The following P3H2 variants were observed in gnomAD, a reference collection of about 807,000 sequenced individuals.
The protein encoded by P3H2 is leprecan-like 1.
In P3H2, 80 loss-of-function variants were observed where a neutral mutation model predicts 87.0. That is an observed-to-expected ratio of 0.92 (90% CI 0.77 to 1.11). The LOEUF is 1.11. Among genes scored for constraint, P3H2 ranks in the 50% least tolerant of loss-of-function variants. The pLI, the probability that P3H2 is intolerant of heterozygous loss-of-function variation, is 0.00. For synonymous variants in P3H2, 367 were observed against 359.3 expected (o/e 1.02, Z -0.24); for missense variants, 1,001 against 923.9 (o/e 1.08, Z -1.08).
At chr3:190,042,970 G>A (rs1725683044) in intron 1 of P3H2, among the ~76,000 whole-genome samples, 1 of 152,094 alleles carries the variant, frequency 6.6e-6, no homozygotes, top group Admixed American at 6.6e-5. Flanking sequence ...GTAATCACTA[G>A]AAATGGTCGT....
In P3H2 at chr3:190,120,318, G is replaced by C. The variant is rs375401060; in HGVS notation, c.414C>G (p.Ser138Arg). Reference protein sequence around the residue: ...LGGPASRHRVSEDVRSDFQRR... With the variant: ...LGGPASRHRVREDVRSDFQRR... Reference sequence around the variant, plus strand: ...GCTGGAAGTCGCTGCGCACATCCTCGCTGACGCGGTGGCGGGATGCGGGGC... The same window carrying C: ...GCTGGAAGTCGCTGCGCACATCCTCCCTGACGCGGTGGCGGGATGCGGGGC... The change falls in exon 1 of 15, where the codon AGC becomes AGG. Residue 138 changes from serine to arginine, a missense_variant. Physicochemically the swap from Ser to Arg is moderately radical, Grantham distance 110. Transcript: ENST00000319332. 49 of 1,605,970 alleles carry C rather than the reference G, an allele frequency of 3.1e-5. No individual in the cohort carries two copies. Among genetic ancestry groups the C allele is most frequent in the Admixed American group, 2.2e-4 (13 of 59,142 alleles).
chr3:190,005,289 G>C (rs1283626770), intron 1 of P3H2, among the ~76,000 whole-genome samples: 1 of 152,184 alleles, frequency 6.6e-6, no homozygotes, highest in Non-Finnish European at 1.5e-5. Context: ...CAAAGTATGG[G>C]TTTATTTAGT....
At position 190,106,252 on chromosome 3, in the gene P3H2, T is replaced by C. The variant is rs116456759; in HGVS notation, c.480+14000A>G. Among the ~76,000 whole-genome samples the C allele has an allele frequency of 7.1e-3, 1,083 of 152,276 alleles. 14 individuals are homozygous for C. The highest frequency in any genetic ancestry group is 0.023 in the African/African-American group (937 of 41,544). On this transcript the variant is annotated intron_variant, in intron 1 of 14. Transcript: ENST00000319332. ...GGGGAAGAAAGAAAAGAACATTTCT[T>C]AACATAGCAAATGAACAGCCTCGAA... is the stretch of plus-strand genomic sequence containing the variant.
At position 190,075,601 on chromosome 3, in the gene P3H2, C is replaced by T. The variant is rs187685074; in HGVS notation, c.480+44651G>A. Among the ~76,000 whole-genome samples the T allele has an allele frequency of 2.3e-3, 351 of 152,056 alleles. 1 individual carries two copies. The highest frequency in any genetic ancestry group is 0.011 in the South Asian group (52 of 4,810). ...GAAGGGAAATCTTCCTGGTAAACTA[C>T]AGGAATTAGGGAAAGCTTCCCAAAA... On this transcript the variant is annotated intron_variant, in intron 1 of 14. Transcript: ENST00000319332.
At chr3:189,991,614 G>A (rs973676732) in intron 3 of P3H2, among the ~76,000 whole-genome samples, 3 of 152,198 alleles carry the variant, frequency 2.0e-5, no homozygotes, top group African/African-American at 4.8e-5. Context: ...GGCTTTAGCC[G>A]AGAGATAGAA....
chr3:190,119,037 G>A (rs369146405), intron 1 of P3H2, among the ~76,000 whole-genome samples: 3 of 151,046 alleles, frequency 2.0e-5, no homozygotes, highest in South Asian at 2.1e-4. Context: ...CCCGGGAGGC[G>A]GAGGTTGCAG....
chr3:189,982,493 T>A (rs941305647), intron 8 of P3H2, among the ~76,000 whole-genome samples: 2 of 152,228 alleles, frequency 1.3e-5, no homozygotes, highest in African/African-American at 4.8e-5. Flanking sequence ...CACATAATGT[T>A]CCGCTCGCTT....
At chr3:190,110,658 TC>T (rs1712036727) in intron 1 of P3H2, among the ~76,000 whole-genome samples, 1 of 152,204 alleles carries the variant, frequency 6.6e-6, no homozygotes, top group Admixed American at 6.5e-5. Flanking sequence ...TAATTTGAGC[TC>T]ATTTTTAAAA....
At chr3:190,022,963 A>G (rs555849301) in intron 1 of P3H2, among the ~76,000 whole-genome samples, 46 of 152,030 alleles carry the variant, frequency 3.0e-4, no homozygotes, top group Non-Finnish European at 6.0e-4. Context: ...AGTAGCTGGG[A>G]CTACAGGCAC....
At chr3:189,982,662 C>G (rs982588192) in intron 8 of P3H2, among the ~76,000 whole-genome samples, 3 of 152,130 alleles carry the variant, frequency 2.0e-5, no homozygotes, top group Admixed American at 2.0e-4. Context: ...GGCTGGTCTC[C>G]TCTCCAAGTT....
At chr3:190,041,031 TATATATACACACACACACAC>T (rs1319788391) in intron 1 of P3H2, among the ~76,000 whole-genome samples, 5 of 51,686 alleles carry the variant, frequency 9.7e-5, no homozygotes, top group Admixed American at 2.9e-4. Context: ...TATATATATA[TATATATACACACACACACAC>T]ACACACACAC....
In P3H2 at chr3:189,986,850, T is replaced by A. The variant is rs755353918; in HGVS notation, c.1126A>T (p.Lys376Ter). The A allele has an allele frequency of 3.7e-6, 6 of 1,613,010 alleles. 1 individual carries two copies. In the South Asian group the frequency reaches 6.6e-5, roughly 18 times the overall value. Residue 376 changes from lysine (K) to a stop codon, truncating the protein, a stop_gained, in exon 6 of 15, where the codon AAG (lysine) becomes TAG (stop). Transcript: ENST00000319332. LOFTEE classifies it high-confidence loss of function. ...GATTTTATCAGCTCAGACTCCAGCT[T>A]ATGACGTTTCACAAACATTGTTAAA... ...EDLTMFVKRH[K>*]LESELIKSAA...
At chr3:190,080,902 G>C (rs1218022177) in intron 1 of P3H2, among the ~76,000 whole-genome samples, 1 of 152,170 alleles carries the variant, frequency 6.6e-6, no homozygotes, top group Non-Finnish European at 1.5e-5. Flanking sequence ...TAAATAAAAA[G>C]AAATATGCTG....
intron 10 of P3H2, 83 bp downstream of exon 10, chr3:189,973,826 T>G: frequency 9.1e-7 from 1 of 1,103,154 alleles, no homozygotes; most frequent in Non-Finnish European, 1.4e-6. Context: ...GCCTGGCCAC[T>G]TTTTTCTTTC....
At chr3:189,986,167 G>A (rs991911157) in intron 6 of P3H2, among the ~76,000 whole-genome samples, 4 of 152,128 alleles carry the variant, frequency 2.6e-5, no homozygotes, top group Admixed American at 2.0e-4. Context: ...CCGGAATTTA[G>A]GAAAATAAAA....
rs751877902 is a variant in P3H2 at position 189,958,001 on chromosome 3, G to A, written c.2038C>T (p.Arg680Ter). The part of the protein sequence containing the change: ...TLDPLYRELE[R>*]IQADEVIAIL... ...GCAATCACTTCATCAGCCTGTATTC[G>A]CTCCTGCAAAAAAGACAATTTACAC... is the stretch of plus-strand genomic sequence containing the variant. The change falls in exon 15 of 15, where the codon CGA becomes TGA. Residue 680 changes from arginine (R) to a stop codon, truncating the protein, a stop_gained. Transcript: ENST00000319332. LOFTEE classifies it high-confidence loss of function. 20 of 1,611,038 alleles carry A rather than the reference G, an allele frequency of 1.2e-5. No individual in the cohort carries two copies. The highest frequency in any genetic ancestry group is 1.1e-4 in the South Asian group (10 of 91,012).
At chr3:190,073,582 C>A (rs1249792854) in intron 1 of P3H2, among the ~76,000 whole-genome samples, 3 of 152,148 alleles carry the variant, frequency 2.0e-5, no homozygotes, top group Non-Finnish European at 2.9e-5. Context: ...CTCTGGTGGG[C>A]ATGATTGAAG....
At chr3:190,051,296 A>C (rs1560379655) in intron 1 of P3H2, among the ~76,000 whole-genome samples, 1 of 152,218 alleles carries the variant, frequency 6.6e-6, no homozygotes, top group African/African-American at 2.4e-5. Context: ...CCAATACAAA[A>C]TAACATTTGT....
intron 1 of P3H2, among the ~76,000 whole-genome samples, chr3:190,118,548 G>A (rs1448212604): frequency 6.6e-6 from 1 of 151,618 alleles, no homozygotes; most frequent in African/African-American, 2.4e-5. Context: ...GGAGGCACAA[G>A]CAAGCAGAAG....
Sources: gnomAD v4.1 joint callset for allele counts (sites outside exome capture counted in the v4.1 genomes callset) on GRCh38, gnomAD v4.1.1 for gene constraint, MANE v1.5 for transcripts, NCBI Gene and HGNC (gene_info 2026-07-23, HGNC 2026-07-21) for gene names.